TEX15: variants seen among roughly 807,000 people sequenced by gnomAD.
The protein encoded by TEX15 is testis expressed 15, meiosis and synapsis associated, also known as testis-expressed protein 15.
TEX15 carries 171 observed loss-of-function variants against 237.3 expected under a neutral mutation model. The ratio of observed to expected loss-of-function variants is 0.72; its 90% CI spans 0.64 to 0.82. The LOEUF is 0.82. Ranked by LOEUF, TEX15 falls within the 40% of genes least tolerant of loss-of-function variation. The pLI, the probability that TEX15 is intolerant of heterozygous loss-of-function variation, is 0.00. For missense variants in TEX15, 3,750 were observed against 3,646.5 expected, an observed-to-expected ratio of 1.03 and a Z score of -0.73; for synonymous variants, 1,338 against 1,269.8, an observed-to-expected ratio of 1.05 and a Z score of -1.14.
At chr8:30,849,363 A>T (rs1172460868) in intron 7 of TEX15, 47 bp from the exon 8 acceptor site, 1 of 1,152,286 alleles carries the variant, frequency 8.7e-7, no homozygotes, top group African/African-American at 1.6e-5. Context: ...GTGTTTCTAT[A>T]GACAACTATT....
chr8:30,846,749 T>C lies in TEX15; in HGVS notation c.3418A>G (p.Thr1140Ala), dbSNP rs1807623325. 10 of 1,613,874 alleles carry C rather than the reference T, an allele frequency of 6.2e-6. No individual in the cohort carries two copies. The highest frequency in any genetic ancestry group is 1.6e-4 in the Middle Eastern group (1 of 6,062). The stretch of plus-strand genomic sequence containing the variant: ...GTAAGTTCTGTTTCATTGTTTTGTG[T>C]AGAGGAATAAAAATAGTTACTTTCC... ...SKESNYFYSS[T>A]QNNETELTSP... The change falls in exon 8 of 11, where the codon ACA becomes GCA. Residue 1140 changes from threonine (T) to alanine (A), a missense_variant. Transcript: ENST00000643185.
In TEX15 at chr8:30,867,500, G is replaced by T; in HGVS notation, c.305C>A (p.Ser102Ter). 1 of 1,523,726 alleles carries T rather than the reference G, an allele frequency of 6.6e-7. No individual in the cohort carries two copies. Among genetic ancestry groups the T allele is most frequent in the South Asian group, 1.2e-5 (1 of 83,586 alleles). 94.4% of individuals were successfully genotyped at this position (1,523,726 alleles called of 1,614,324 possible). A position where few individuals can be genotyped will look rare whatever the true frequency, so the allele number is the denominator to read the frequency against. ...ELEKNFTAKR[S>*]EMRESGRHCR... The stretch of plus-strand genomic sequence containing the variant: ...ATGTCTTCCACTTTCACGCATCTCT[G>T]ACCTAAAGTAAAACAAACAATGTAT... Residue 102 changes from serine to a stop codon, truncating the protein, a stop_gained and splice_region_variant, in exon 5 of 11, where the codon TCA becomes TAA. Transcript: ENST00000643185. LOFTEE classifies it high-confidence loss of function.
chr8:30,895,969 A>G (rs1194262366), intron 2 of TEX15, among the ~76,000 whole-genome samples: 1 of 152,060 alleles, frequency 6.6e-6, no homozygotes, highest in Non-Finnish European at 1.5e-5. Flanking sequence ...GGTGTGAGCT[A>G]CCATGCCTGG....
intron 1 of TEX15, among the ~76,000 whole-genome samples, chr8:30,901,259 G>A (rs2128779097): frequency 6.6e-6 from 1 of 152,240 alleles, no homozygotes; most frequent in Middle Eastern, 3.4e-3. Flanking sequence ...AATCTGCACA[G>A]GAATATAGTG....
chr8:30,910,166 G>A (rs1424900094), intron 1 of TEX15, among the ~76,000 whole-genome samples: 5 of 150,514 alleles, frequency 3.3e-5, no homozygotes, highest in Non-Finnish European at 5.9e-5. Flanking sequence ...ATCATCCTTC[G>A]GTACAATAAA....
chr8:30,831,976 C>T lies in TEX15; in HGVS notation c.*1310G>A, dbSNP rs1358416614. ...ATGTTTTTTAAATATTGTTTTAACT[C>T]TATCGTCTTTTCAAATCTCTTACTT... On this transcript the variant is annotated 3_prime_UTR_variant, in exon 11 of 11. Transcript: ENST00000643185. The T allele has an allele frequency of 2.6e-5, 4 of 152,182 alleles. No individual in the cohort carries two copies. Among genetic ancestry groups the T allele is most frequent in the Admixed American group, 6.5e-5 (1 of 15,272 alleles). The allele number at this position is 152,182 out of a possible 1,614,324, so 9.4% of individuals were successfully genotyped here.
At chr8:30,884,767 C>A (rs1293808538) in intron 3 of TEX15, among the ~76,000 whole-genome samples, 2 of 151,992 alleles carry the variant, frequency 1.3e-5, no homozygotes, top group Non-Finnish European at 2.9e-5. Context: ...CTGATCTTTT[C>A]AAAGACCCAG....
chr8:30,863,194 A>C (rs566762830), intron 5 of TEX15, among the ~76,000 whole-genome samples: 3 of 152,316 alleles, frequency 2.0e-5, no homozygotes, highest in African/African-American at 7.2e-5. Context: ...ATCATCCCTA[A>C]TAAGGAAATC....
At chr8:30,909,120 G>C (rs561341455) in intron 1 of TEX15, among the ~76,000 whole-genome samples, 2 of 152,102 alleles carry the variant, frequency 1.3e-5, no homozygotes, top group South Asian at 4.2e-4. Flanking sequence ...TGTAGTTTTA[G>C]ATTTATATCA....
In TEX15 at chr8:30,839,566, T is replaced by G. The variant is rs142105057; in HGVS notation, c.8222+340A>C. Among the ~76,000 whole-genome samples, 298 of 152,308 alleles carry G rather than the reference T, an allele frequency of 2.0e-3. 1 individual carries two copies. The highest frequency in any genetic ancestry group is 6.9e-3 in the African/African-American group (287 of 41,576). On this transcript the variant is annotated intron_variant, in intron 9 of 10. Transcript: ENST00000643185. ...GTATCGTATCTTGTAAAGATATAAA[T>G]TTTTCTTTCTTATTCTGTGAAACAA...
intron 1 of TEX15, among the ~76,000 whole-genome samples, chr8:30,901,178 G>T (rs896799172): frequency 2.0e-5 from 3 of 151,938 alleles, no homozygotes; most frequent in Non-Finnish European, 2.9e-5. Context: ...AACCAAAATG[G>T]TCTTCAATAG....
At chr8:30,854,433 G>A (rs929042369) in intron 7 of TEX15, among the ~76,000 whole-genome samples, 2 of 151,932 alleles carry the variant, frequency 1.3e-5, no homozygotes, top group Admixed American at 6.6e-5. Flanking sequence ...AGTACTGAAC[G>A]TGATGCAAGA....
chr8:30,906,733 A>G (rs1809109922), intron 1 of TEX15, among the ~76,000 whole-genome samples: 2 of 152,206 alleles, frequency 1.3e-5, no homozygotes, highest in Non-Finnish European at 2.9e-5. Context: ...TGAAAGACCC[A>G]TGAAAAAGAC....
chr8:30,902,239 T>C (rs1585317326), intron 1 of TEX15, among the ~76,000 whole-genome samples: 5 of 151,448 alleles, frequency 3.3e-5, no homozygotes, highest in South Asian at 4.2e-4. Context: ...TTTTTTTTTT[T>C]CCTTAATGTA....
In TEX15 at chr8:30,848,468, C is replaced by T. The variant is rs777287393; in HGVS notation, c.1699G>A (p.Glu567Lys). ...TCTTTTGTATAAGCATTACCGGACTCCTGTTGGGCTCTCTGAGCCTTCTCC... is the reference window on the plus strand; with the variant it reads ...TCTTTTGTATAAGCATTACCGGACTTCTGTTGGGCTCTCTGAGCCTTCTCC... ...SEEKAQRAQQ[E>K]SGNAYTKEYS... Residue 567 changes from glutamate to lysine, a missense_variant, in exon 8 of 11, where the codon GAG becomes AAG. Coordinates refer to ENST00000643185, the MANE Select transcript of TEX15 (RefSeq NM_001350162.2). 3.7e-6 allele frequency: 6 copies of T among 1,613,998 alleles called. No homozygotes were observed. The East Asian group carries it at 1.1e-4, about 30-fold the overall frequency.
chr8:30,857,111 G>C (rs1807927259), intron 7 of TEX15, among the ~76,000 whole-genome samples: 1 of 152,170 alleles, frequency 6.6e-6, no homozygotes, highest in Non-Finnish European at 1.5e-5. Flanking sequence ...GAGATGAATA[G>C]AGAGTCCAGT....
intron 3 of TEX15, 52 bp from the exon 4 acceptor site, chr8:30,875,154 A>T: frequency 1.8e-6 from 2 of 1,136,612 alleles, no homozygotes; most frequent in Non-Finnish European, 2.2e-6. Context: ...ATTATTGGAC[A>T]TCTGTACAAT....
At chr8:30,862,190 T>C (rs1301608156) in intron 5 of TEX15, among the ~76,000 whole-genome samples, 2 of 152,160 alleles carry the variant, frequency 1.3e-5, no homozygotes, top group Non-Finnish European at 2.9e-5. Flanking sequence ...CAAAGAATCA[T>C]TCGTGTGTGT....
intron 1 of TEX15, among the ~76,000 whole-genome samples, chr8:30,911,950 C>T (rs1809228946): frequency 6.6e-6 from 1 of 152,208 alleles, no homozygotes; most frequent in African/African-American, 2.4e-5. Flanking sequence ...ACTCCCTTCA[C>T]TGAGCCGAGC....
Sources: gnomAD v4.1 joint callset for allele counts (sites outside exome capture counted in the v4.1 genomes callset) on GRCh38, gnomAD v4.1.1 for gene constraint, MANE v1.5 for transcripts, NCBI Gene and HGNC (gene_info 2026-07-23, HGNC 2026-07-21) for gene names.